The following TMEM144 variants were observed in gnomAD, a reference collection of about 807,000 sequenced individuals.
TMEM144 encodes transmembrane protein 144.
TMEM144 carries 39 observed loss-of-function variants against 43.6 expected under a neutral mutation model. That is an observed-to-expected ratio of 0.90 (90% confidence interval 0.69 to 1.17). The LOEUF (loss-of-function observed/expected upper bound fraction) is 1.17, where lower values mean the gene tolerates loss of function less well. Among genes scored for constraint, TMEM144 ranks in the 50% most tolerant of loss-of-function variants. The pLI is 0.00. For synonymous variants in TMEM144, 154 were observed against 133.6 expected, an observed-to-expected ratio of 1.15 and a Z score of -1.06; for missense variants, 417 against 411.9, an observed-to-expected ratio of 1.01 and a Z score of -0.11.
chr4:158,236,829 G>A (rs1735374032), intron 8 of TMEM144, among the ~76,000 whole-genome samples: 1 of 152,002 alleles, frequency 6.6e-6, no homozygotes, highest in Admixed American at 6.6e-5. Flanking sequence ...TAACTTCAAG[G>A]AACTGTTCCA....
chr4:158,241,230 C>T (rs1325778704), intron 10 of TMEM144, among the ~76,000 whole-genome samples: 1 of 152,010 alleles, frequency 6.6e-6, no homozygotes, highest in Non-Finnish European at 1.5e-5. Flanking sequence ...AGTATGTCCC[C>T]TAGTCCCCTT....
intron 3 of TMEM144, among the ~76,000 whole-genome samples, chr4:158,214,656 C>A (rs979891779): frequency 1.3e-5 from 2 of 152,178 alleles, no homozygotes; most frequent in Non-Finnish European, 2.9e-5. Flanking sequence ...CCCGACTCAT[C>A]ATAGGCATTG....
rs774769996 is a variant in TMEM144 at position 158,212,694 on chromosome 4, C to T, written c.27C>T (p.Thr9=). The change falls in exon 3 of 13, where the codon ACC becomes ACT. Residue 9 remains threonine, a synonymous_variant. Transcript: ENST00000296529. The stretch of plus-strand genomic sequence containing the variant: ...TGAGCAACAATGGAGCAGACCTAAC[C>T]TTTGGTTACATCTCCTGTTTTGTAG... MSNNGADL[T]FGYISCFVAI... The T allele has an allele frequency of 1.2e-6, 2 of 1,613,624 alleles. No homozygotes were observed. Among genetic ancestry groups the T allele is most frequent in the South Asian group, 1.1e-5 (1 of 90,916 alleles).
chr4:158,244,382 G>C (rs1466826121), intron 12 of TMEM144, 33 bp downstream of exon 12: 1 of 1,578,866 alleles, frequency 6.3e-7, no homozygotes, highest in East Asian at 2.3e-5. Context: ...TTAGAAAATG[G>C]GAATGGGGTA....
chr4:158,252,809 A>G (rs1440028852), intron 12 of TMEM144, among the ~76,000 whole-genome samples: 1 of 146,756 alleles, frequency 6.8e-6, no homozygotes, highest in African/African-American at 2.6e-5. Context: ...CTCCGTCTCA[A>G]AAAAAAAAAA....
At chr4:158,237,257 C>T in intron 8 of TMEM144, 1 of 326,688 alleles carries the variant, frequency 3.1e-6, no homozygotes. Flanking sequence ...TATGTAATGA[C>T]AACATAATTA....
chr4:158,239,019 T>C (rs1451076444), intron 9 of TMEM144, among the ~76,000 whole-genome samples: 2 of 152,184 alleles, frequency 1.3e-5, no homozygotes, highest in Non-Finnish European at 2.9e-5. Flanking sequence ...CTCAGTTAAT[T>C]CTCATAGCAA....
In TMEM144 at chr4:158,241,430, G is replaced by A. The variant is rs937535547; in HGVS notation, c.803-79G>A. On this transcript the variant is annotated intron_variant, in intron 10 of 12. Transcript: ENST00000296529. ...TAGAATGCATTTATATGTGCACTTT[G>A]ATATTCCTGTTGTAGCTCAGTGTGA... The A allele has an allele frequency of 3.3e-5, 34 of 1,043,732 alleles. 1 individual carries two copies. The South Asian group carries it at 4.3e-4, about 13-fold the overall frequency. 64.7% of individuals were successfully genotyped at this position (1,043,732 alleles called of 1,614,324 possible). A position where few individuals can be genotyped will look rare whatever the true frequency, so the allele number is the denominator to read the frequency against.
Position 158,241,509 on chromosome 4 carries a change from G to A in TMEM144, c.803G>A (p.Gly268Glu), listed in dbSNP as rs745321227. Reference sequence around the variant, plus strand: ...AATGTGTGTTGTCTTTGTATTTCAGGATTCCTGTCAGGAGTACTTTGGGCT... The same window carrying A: ...AATGTGTGTTGTCTTTGTATTTCAGAATTCCTGTCAGGAGTACTTTGGGCT... ...PKLYPEAVLP[G>E]FLSGVLWAIA... is the part of the protein sequence containing the mutation. Residue 268 changes from glycine (G) to glutamate (E), a missense_variant and splice_region_variant, in exon 11 of 13, where the codon GGA becomes GAA. By Grantham distance (98) the Gly-to-Glu change is moderately conservative. Transcript: ENST00000296529. 9.3e-6 allele frequency: 15 copies of A among 1,612,942 alleles called. No individual in the cohort carries two copies. Among genetic ancestry groups the A allele is most frequent in the Non-Finnish European group, 1.3e-5 (15 of 1,179,112 alleles).
chr4:158,240,265 AT>A, intron 9 of TMEM144, 33 bp from the exon 10 acceptor site: 1 of 1,584,444 alleles, frequency 6.3e-7, no homozygotes, highest in Non-Finnish European at 8.6e-7. Context: ...AATGATTAAA[AT>A]GGTGTTTGAG....
At chr4:158,232,454 A>G (rs1238387267) in intron 6 of TMEM144, among the ~76,000 whole-genome samples, 1 of 152,242 alleles carries the variant, frequency 6.6e-6, no homozygotes, top group Admixed American at 6.5e-5. Context: ...TGGCCTCAGT[A>G]GATCACCCCA....
chr4:158,227,715 T>C (rs1218069111), intron 6 of TMEM144, among the ~76,000 whole-genome samples: 1 of 152,150 alleles, frequency 6.6e-6, no homozygotes, highest in South Asian at 2.1e-4. Flanking sequence ...AACGTCTATG[T>C]ACAGAAACTG....
rs1346780084 is a variant in TMEM144, at chr4:158,245,056, T to G, written c.954+707T>G. 2.0e-5 allele frequency among the ~76,000 whole-genome samples: 3 copies of G among 152,176 alleles called. No homozygotes were observed. In the East Asian group the frequency reaches 5.8e-4, roughly 29 times the overall value. ...CCCTGAGGTAAATCATCTTTGGGAA[T>G]AGATGTTTATATTGGTTCCTATGTC... On this transcript the variant is annotated intron_variant, in intron 12 of 12. Coordinates refer to ENST00000296529, the MANE Select transcript of TMEM144 (RefSeq NM_018342.5).
intron 6 of TMEM144, among the ~76,000 whole-genome samples, chr4:158,221,481 G>A (rs1247684151): frequency 6.6e-6 from 1 of 152,184 alleles, no homozygotes; most frequent in African/African-American, 2.4e-5. Flanking sequence ...GAGTATGTAA[G>A]GGTGAGAGCA....
intron 12 of TMEM144, among the ~76,000 whole-genome samples, chr4:158,249,754 C>T (rs1187510655): frequency 6.6e-6 from 1 of 151,946 alleles, no homozygotes; most frequent in African/African-American, 2.4e-5. Context: ...GTGGAAATCA[C>T]CTTAGTGTAT....
At chr4:158,238,237 C>T (rs1030903074) in intron 9 of TMEM144, among the ~76,000 whole-genome samples, 2 of 152,208 alleles carry the variant, frequency 1.3e-5, no homozygotes, top group East Asian at 1.9e-4. Context: ...GGCTTACAAC[C>T]ATGAAATGAT....
chr4:158,216,629 A>G (rs1034079901), intron 4 of TMEM144, among the ~76,000 whole-genome samples: 12 of 152,258 alleles, frequency 7.9e-5, no homozygotes, highest in Middle Eastern at 3.4e-3. Flanking sequence ...AAATTAGGTC[A>G]AGTACCCAAA....
chr4:158,230,531 G>C (rs528000349), intron 6 of TMEM144, among the ~76,000 whole-genome samples: 4 of 151,770 alleles, frequency 2.6e-5, no homozygotes, highest in Admixed American at 2.6e-4. Flanking sequence ...GAGGATTTTC[G>C]TTGTATAATT....
intron 5 of TMEM144, 59 bp downstream of exon 5, chr4:158,217,479 A>G: frequency 8.3e-7 from 1 of 1,208,610 alleles, no homozygotes; most frequent in East Asian, 2.3e-5. Context: ...TATGTAAAGC[A>G]AGTGATTACC....
Sources: gnomAD v4.1 joint callset for allele counts (sites outside exome capture counted in the v4.1 genomes callset) on GRCh38, gnomAD v4.1.1 for gene constraint, MANE v1.5 for transcripts, NCBI Gene and HGNC (gene_info 2026-07-23, HGNC 2026-07-21) for gene names.